Variants in CACHD1 observed in about 807,000 individuals in gnomAD.
The protein encoded by CACHD1 is cache domain containing 1.
A neutral mutation model predicts 138.7 loss-of-function variants in CACHD1; 71 were observed. The ratio of observed to expected loss-of-function variants is 0.51; its 90% CI spans 0.42 to 0.62. CACHD1 has a LOEUF of 0.62. Ranked by LOEUF, CACHD1 falls within the 20% of genes least tolerant of loss-of-function variation. CACHD1 has a pLI of 0.00. For missense variants in CACHD1, 1,389 were observed against 1,625.3 expected (o/e 0.85, Z 2.50); for synonymous variants, 578 against 591.5 (o/e 0.98, Z 0.33).
At chr1:64,539,040 G>C (rs1335548439) in intron 1 of CACHD1, among the ~76,000 whole-genome samples, 1 of 152,130 alleles carries the variant, frequency 6.6e-6, no homozygotes, top group Non-Finnish European at 1.5e-5. Context: ...TCTTTTGGGG[G>C]AGGTAAGACA....
intron 1 of CACHD1, among the ~76,000 whole-genome samples, chr1:64,472,455 T>G (rs757977864): frequency 2.0e-5 from 3 of 152,202 alleles, no homozygotes; most frequent in Non-Finnish European, 4.4e-5. Context: ...TGAAAGGTAA[T>G]TTTGCATTTA....
At chr1:64,530,889 G>C (rs1191811664) in intron 1 of CACHD1, among the ~76,000 whole-genome samples, 1 of 143,018 alleles carries the variant, frequency 7.0e-6, no homozygotes, top group Non-Finnish European at 1.5e-5. Context: ...AAAAGAAAAA[G>C]AATGAGCTCA....
intron 1 of CACHD1, among the ~76,000 whole-genome samples, chr1:64,500,717 T>TAAAAAAAAAAAAAAAAAAAA (rs72436564): frequency 2.9e-4 from 10 of 33,942 alleles, no homozygotes; most frequent in African/African-American, 5.3e-4. Flanking sequence ...CCTTGTCTCT[T>TAAAAAAAAAAAAAAAAAAAA]AAAAAAAAAA....
chr1:64,482,254 T>G (rs189061821), intron 1 of CACHD1, among the ~76,000 whole-genome samples: 1 of 152,308 alleles, frequency 6.6e-6, no homozygotes, highest in African/African-American at 2.4e-5. Flanking sequence ...TGGGATTTTT[T>G]TTTTCCCCAC....
At chr1:64,552,726 G>C (rs1228497195) in intron 2 of CACHD1, among the ~76,000 whole-genome samples, 2 of 152,156 alleles carry the variant, frequency 1.3e-5, no homozygotes, top group East Asian at 3.8e-4. Context: ...CAATCCTCCT[G>C]CCATGGCCTT....
chr1:64,511,756 T>G (rs955413858), intron 1 of CACHD1, among the ~76,000 whole-genome samples: 1 of 152,152 alleles, frequency 6.6e-6, no homozygotes, highest in African/African-American at 2.4e-5. Flanking sequence ...GCACTTTGAG[T>G]TGGGAAAGCT....
chr1:64,541,385 AT>A (rs10709107), intron 1 of CACHD1, among the ~76,000 whole-genome samples: 141,230 of 152,274 alleles, frequency 0.93, 65,596 homozygotes, highest in African/African-American at 0.98. Context: ...TCAGATACAG[AT>A]TTTTTTCCCT....
rs1162608706 is a variant in CACHD1 at position 64,658,728 on chromosome 1, G to C, written c.1806G>C (p.Leu602=). The stretch of plus-strand genomic sequence containing the variant: ...AGGTACAAGACACTTCCTTTATTCT[G>C]TGTATTGTGGTGATACAACCAGAAA... ...WKMVQDTSFI[L]CIVVIQPEIP... is the part of the protein sequence containing the mutation. Residue 602 remains leucine (L), a synonymous_variant, in exon 13 of 27, where the codon CTG becomes CTC. Transcript: ENST00000651257. The C allele has an allele frequency of 6.2e-7, 1 of 1,611,052 alleles. No homozygotes were observed. The highest frequency in any genetic ancestry group is 1.3e-5 in the African/African-American group (1 of 74,860).
intron 26 of CACHD1, among the ~76,000 whole-genome samples, chr1:64,682,393 C>T (rs898721740): frequency 1.3e-5 from 2 of 152,042 alleles, no homozygotes; most frequent in African/African-American, 4.8e-5. Flanking sequence ...TCCCGCTCTC[C>T]AGTGTTGGCT....
At chr1:64,598,310 T>G (rs1047097128) in intron 3 of CACHD1, among the ~76,000 whole-genome samples, 3 of 152,196 alleles carry the variant, frequency 2.0e-5, no homozygotes, top group African/African-American at 7.2e-5. Context: ...GAGGTTGATT[T>G]CTAGGCTTTT....
chr1:64,510,907 T>C (rs1646415319), intron 1 of CACHD1, among the ~76,000 whole-genome samples: 1 of 152,194 alleles, frequency 6.6e-6, no homozygotes, highest in Non-Finnish European at 1.5e-5. Flanking sequence ...GAGGTTGTAA[T>C]GAGGGGAATA....
intron 1 of CACHD1, among the ~76,000 whole-genome samples, chr1:64,489,962 T>C (rs1319115479): frequency 1.3e-5 from 2 of 152,182 alleles, no homozygotes; most frequent in Non-Finnish European, 2.9e-5. Flanking sequence ...CTGGCTATTA[T>C]TACCTAACTT....
At chr1:64,531,624 G>T (rs1421918736) in intron 1 of CACHD1, among the ~76,000 whole-genome samples, 1 of 152,066 alleles carries the variant, frequency 6.6e-6, no homozygotes. Context: ...AGGTCAACAA[G>T]ACCATAAACT....
At chr1:64,587,438 A>G (rs1647058927) in intron 3 of CACHD1, among the ~76,000 whole-genome samples, 1 of 152,132 alleles carries the variant, frequency 6.6e-6, no homozygotes, top group South Asian at 2.1e-4. Flanking sequence ...AACAGAGAGA[A>G]CCTGCAAAGT....
intron 8 of CACHD1, among the ~76,000 whole-genome samples, chr1:64,643,860 A>G (rs1648818167): frequency 6.6e-6 from 1 of 152,198 alleles, no homozygotes; most frequent in African/African-American, 2.4e-5. Flanking sequence ...AGCCAGCATA[A>G]GGAGTTTATG....
In CACHD1 at chr1:64,691,949, C is replaced by A. The variant is rs1650573913; in HGVS notation, c.*388C>A. On this transcript the variant is annotated 3_prime_UTR_variant, in exon 27 of 27. Transcript: ENST00000651257. ...CTGGAAGAGAGAAAAATCTGCTCAC[C>A]CAGAGACTGGAATGTGGCACATGCA... is the stretch of plus-strand genomic sequence containing the variant. 4.2e-6 allele frequency: 1 copy of A among 235,856 alleles called. No homozygotes were observed. Among genetic ancestry groups the A allele is most frequent in the African/African-American group, 2.2e-5 (1 of 45,660 alleles). 14.6% of individuals were successfully genotyped at this position (235,856 alleles called of 1,614,324 possible). A position where few individuals can be genotyped will look rare whatever the true frequency, so the allele number is the denominator to read the frequency against.
At chr1:64,657,479 A>G (rs1389114888) in intron 12 of CACHD1, among the ~76,000 whole-genome samples, 1 of 152,202 alleles carries the variant, frequency 6.6e-6, no homozygotes, top group African/African-American at 2.4e-5. Flanking sequence ...ACATAGGAAA[A>G]CAAACTTAAA....
chr1:64,474,632 A>G (rs1045672983), intron 1 of CACHD1, among the ~76,000 whole-genome samples: 1 of 152,164 alleles, frequency 6.6e-6, no homozygotes, highest in Non-Finnish European at 1.5e-5. Context: ...TTCCAGCACA[A>G]CTCCTTAAGG....
chr1:64,643,036 T>TAAAAAAAAAAAAA (rs139320316), intron 8 of CACHD1, among the ~76,000 whole-genome samples: 1 of 33,354 alleles, frequency 3.0e-5, no homozygotes, highest in African/African-American at 8.1e-5. Flanking sequence ...AGACTCTGTC[T>TAAAAAAAAAAAAA]AAAAAAAAAA....
Sources: gnomAD v4.1 joint callset for allele counts (sites outside exome capture counted in the v4.1 genomes callset) on GRCh38, gnomAD v4.1.1 for gene constraint, MANE v1.5 for transcripts, NCBI Gene and HGNC (gene_info 2026-07-23, HGNC 2026-07-21) for gene names.